The following CFAP46 variants were observed in gnomAD, a reference collection of about 807,000 sequenced individuals.
CFAP46 encodes cilia and flagella associated protein 46.
In CFAP46, 245 loss-of-function variants were observed where a neutral mutation model predicts 325.7. That is an observed-to-expected ratio of 0.75 (90% CI 0.68 to 0.84). The LOEUF (loss-of-function observed/expected upper bound fraction) is 0.84. CFAP46 is among the 40% of genes least tolerant of loss of function. CFAP46 has a pLI of 0.00. For missense variants in CFAP46, 3,346 were observed against 3,543.0 expected (o/e 0.94, Z 1.41); for synonymous variants, 1,523 against 1,495.9 (o/e 1.02, Z -0.42).
chr10:132,866,309 C>CG, intron 34 of CFAP46, 138 bp from the exon 35 acceptor site: 1 of 952,278 alleles, frequency 1.1e-6, no homozygotes, highest in Non-Finnish European at 1.4e-6. Flanking sequence ...CTGGCCTAGG[C>CG]ACCATGGGCG....
intron 50 of CFAP46, among the ~76,000 whole-genome samples, chr10:132,822,188 G>A: frequency 7.5e-6 from 1 of 133,528 alleles, no homozygotes; most frequent in Admixed American, 7.4e-5. Context: ...GTGCTGATGT[G>A]TGCACTGTGT....
intron 27 of CFAP46, among the ~76,000 whole-genome samples, chr10:132,882,811 A>T (rs1168798155): frequency 6.6e-6 from 1 of 151,838 alleles, no homozygotes; most frequent in Non-Finnish European, 1.5e-5. Flanking sequence ...ATGGGGAAGG[A>T]GGGGAGCAGC....
intron 50 of CFAP46, among the ~76,000 whole-genome samples, chr10:132,816,973 G>C (rs965044302): frequency 6.6e-6 from 1 of 152,180 alleles, no homozygotes; most frequent in African/African-American, 2.4e-5. Context: ...TACTTGAAAA[G>C]ATTGCAAATC....
rs200611910 is a variant in CFAP46 at position 132,887,347 on chromosome 10, C to CTCGCTTCTCT, written c.3305-1389_3305-1388insAGAGAAGCGA. On this transcript the variant is annotated intron_variant, in intron 25 of 57. Transcript: ENST00000368586. ...CCTCTCTCGCTTCTCTCTCTCCTCT[C>CTCGCTTCTCT]CTCTCCTCCCCTCTTCTTTCCTCTC... 3.2e-4 allele frequency among the ~76,000 whole-genome samples: 21 copies of CTCGCTTCTCT among 66,118 alleles called. 2 individuals carry two copies. Among genetic ancestry groups the CTCGCTTCTCT allele is most frequent in the Admixed American group, 6.8e-4 (4 of 5,896 alleles). 43.4% of individuals were successfully genotyped at this position (66,118 alleles called of 152,430 possible). A position where few individuals can be genotyped will look rare whatever the true frequency, so the allele number is the denominator to read the frequency against.
rs888846751 is a variant in CFAP46 at position 132,879,549 on chromosome 10, G to A, written c.3882C>T (p.Ser1294=). 5.3e-5 allele frequency: 82 copies of A among 1,547,248 alleles called. 1 individual carries two copies. The highest frequency in any genetic ancestry group is 2.2e-4 in the Admixed American group (11 of 50,858). Residue 1294 remains serine, a synonymous_variant, in exon 29 of 58, where the codon AGC becomes AGT. Coordinates refer to ENST00000368586, the MANE Select transcript of CFAP46 (RefSeq NM_001200049.3). ...EEAVSLEQLR[S]VRQLEALARV... is the part of the protein sequence containing the mutation. ...GGGCCAGCGCCTCCAGCTGCCGCAC[G>A]CTACGCAGCTGCTCCAAGGACACCG...
Position 132,869,245 on chromosome 10 carries a change from C to T in CFAP46, c.4610+29G>A. On this transcript the variant is annotated intron_variant, in intron 33 of 57. Transcript: ENST00000368586. This position sits in a 1 kb window ranked among gnomAD's most constrained non-coding sequence, Gnocchi z 6.2. ...CGCACCAAGGGCGAGACTCAAACCC[C>T]AGGCGGCGCAGGGTGGGACGGCACA... 1 of 1,494,318 alleles carries T rather than the reference C, an allele frequency of 6.7e-7. No homozygotes were observed. Among genetic ancestry groups the T allele is most frequent in the East Asian group, 2.6e-5 (1 of 39,086 alleles). The allele number at this position is 1,494,318 out of a possible 1,614,324, so 92.6% of individuals were successfully genotyped here. A position where few individuals can be genotyped will look rare whatever the true frequency, so the allele number is the denominator to read the frequency against.
In CFAP46 at chr10:132,877,022, C is replaced by CG; in HGVS notation, c.4213-62dup. ...GTGGAGGTGAAACAGCAGACACCCC[C>CG]GGCCCACCGGCATGGCTGTGCAGCA... On this transcript the variant is annotated intron_variant, in intron 30 of 57. Coordinates refer to ENST00000368586, the MANE Select transcript of CFAP46 (RefSeq NM_001200049.3). This position sits in a 1 kb window ranked among gnomAD's most constrained non-coding sequence, Gnocchi z 5.7. 6.7e-7 allele frequency: 1 copy of CG among 1,498,308 alleles called. No individual in the cohort carries two copies. Among genetic ancestry groups the CG allele is most frequent in the Admixed American group, 2.0e-5 (1 of 48,882 alleles). The allele number at this position is 1,498,308 out of a possible 1,614,324, so 92.8% of individuals were successfully genotyped here. A position where few individuals can be genotyped will look rare whatever the true frequency, so the allele number is the denominator to read the frequency against.
chr10:132,822,813 TGTGTG>T, intron 50 of CFAP46, among the ~76,000 whole-genome samples: 1 of 139,658 alleles, frequency 7.2e-6, no homozygotes, highest in South Asian at 2.4e-4. Flanking sequence ...TGATGTGTGC[TGTGTG>T]CTGTGTGTGC....
chr10:132,823,003 ATGTGTGCTG>A lies in CFAP46; in HGVS notation c.7118-8098_7118-8090del, dbSNP rs1168876704. 9.9e-3 allele frequency among the ~76,000 whole-genome samples: 839 copies of A among 85,040 alleles called. 17 individuals carry two copies. The highest frequency in any genetic ancestry group is 0.033 in the African/African-American group (659 of 19,744). The allele number at this position is 85,040 out of a possible 152,430, so 55.8% of individuals were successfully genotyped here. A position where few individuals can be genotyped will look rare whatever the true frequency, so the allele number is the denominator to read the frequency against. On this transcript the variant is annotated intron_variant, in intron 50 of 57. Coordinates refer to ENST00000368586, the MANE Select transcript of CFAP46 (RefSeq NM_001200049.3). ...AGTGATGTGTGCTGTGTGTGTGCTG[ATGTGTGCTG>A]TGTGTGCTGTGTGCTGTGTGTGCGC...
intron 39 of CFAP46, among the ~76,000 whole-genome samples, chr10:132,856,659 T>G (rs1262566240): frequency 6.6e-6 from 1 of 152,226 alleles, no homozygotes; most frequent in East Asian, 1.9e-4. Flanking sequence ...GTTTTCTTCC[T>G]TTTACATCTT....
rs868562361 is a variant in CFAP46 at position 132,832,400 on chromosome 10, C to G, written c.7117+958G>C. On this transcript the variant is annotated intron_variant, in intron 50 of 57. Coordinates refer to ENST00000368586, the MANE Select transcript of CFAP46 (RefSeq NM_001200049.3). This position sits in a 1 kb window ranked among gnomAD's most constrained non-coding sequence, Gnocchi z 4.1. ...CTGGGCTCTTCCTGCCCCCCCCCCC[C>G]AATGCTGTGGCCTGGAAATTCCCCA... Among the ~76,000 whole-genome samples, 1 of 141,500 alleles carries G rather than the reference C, an allele frequency of 7.1e-6. No homozygotes were observed. Among genetic ancestry groups the G allele is most frequent in the East Asian group, 2.3e-4 (1 of 4,414 alleles). The allele number at this position is 141,500 out of a possible 152,430, so 92.8% of individuals were successfully genotyped here. A position where few individuals can be genotyped will look rare whatever the true frequency, so the allele number is the denominator to read the frequency against.
intron 22 of CFAP46, among the ~76,000 whole-genome samples, chr10:132,907,035 C>T (rs1301018021): frequency 6.6e-6 from 1 of 152,248 alleles, no homozygotes; most frequent in Non-Finnish European, 1.5e-5. Context: ...TGGCACGTTC[C>T]TATGTTGGCC....
rs1183375184 is a variant in CFAP46, at chr10:132,937,241, T to C, written c.661-186A>G. The stretch of plus-strand genomic sequence containing the variant: ...ATGCTTTTGGTACATATTCTTGTAG[T>C]AATTACTTGTATCTTTGTGAATTTT... On this transcript the variant is annotated intron_variant, in intron 6 of 57. Coordinates refer to ENST00000368586, the MANE Select transcript of CFAP46 (RefSeq NM_001200049.3). 15 of 529,354 alleles carry C rather than the reference T, an allele frequency of 2.8e-5. No homozygotes were observed. The East Asian group carries it at 3.7e-4, about 13-fold the overall frequency. 32.8% of individuals were successfully genotyped at this position (529,354 alleles called of 1,614,324 possible). A position where few individuals can be genotyped will look rare whatever the true frequency, so the allele number is the denominator to read the frequency against.
At chr10:132,865,984 G>C in intron 35 of CFAP46, 41 bp downstream of exon 35, 2 of 1,455,738 alleles carry the variant, frequency 1.4e-6, no homozygotes, top group South Asian at 2.9e-5. Context: ...AGTGCGCTGG[G>C]AGCGGCTGTG....
At chr10:132,922,252 G>C (rs1273758854) in intron 12 of CFAP46, 28 bp from the exon 13 acceptor site, 2 of 1,541,340 alleles carry the variant, frequency 1.3e-6, no homozygotes, top group Non-Finnish European at 1.8e-6. Context: ...TGATGAGCAA[G>C]GGGCCGCTGG....
chr10:132,899,742 G>C, intron 22 of CFAP46, 76 bp from the exon 23 acceptor site: 1 of 1,467,038 alleles, frequency 6.8e-7, no homozygotes, highest in Middle Eastern at 1.8e-4. Flanking sequence ...TCACTGTCTT[G>C]AACTGTGGAC....
intron 27 of CFAP46, among the ~76,000 whole-genome samples, chr10:132,881,970 GTGTGTGGTCTGTGTGGGATGTGGGGTA>G (rs1849049771): frequency 6.6e-6 from 1 of 151,986 alleles, no homozygotes; most frequent in Admixed American, 6.6e-5. Context: ...GATGTGGGGT[GTGTGTGGTCTGTGTGGGATGTGGGGTA>G]TGTGTGGTGT....
At chr10:132,938,178 C>G (rs4880291) in intron 5 of CFAP46, among the ~76,000 whole-genome samples, 1 of 152,062 alleles carries the variant, frequency 6.6e-6, no homozygotes, top group Non-Finnish European at 1.5e-5. Flanking sequence ...CCGGCCTGCC[C>G]TGTGCTGCCC....
At chr10:132,836,121 C>A in intron 46 of CFAP46, 21 bp downstream of exon 46, 3 of 1,593,172 alleles carry the variant, frequency 1.9e-6, no homozygotes, top group Non-Finnish European at 2.6e-6. Flanking sequence ...CCCCCTCCCC[C>A]TCCCCTGCAG....
Sources: gnomAD v4.1 joint callset for allele counts (sites outside exome capture counted in the v4.1 genomes callset) on GRCh38, gnomAD v4.1.1 for gene constraint, Gnocchi (gnomAD v3.1) non-coding constraint, MANE v1.5 for transcripts, NCBI Gene and HGNC (gene_info 2026-07-23, HGNC 2026-07-21) for gene names.